ZNF250: variants seen among roughly 807,000 people sequenced by gnomAD.
ZNF250 encodes zinc finger protein 250.
In ZNF250, 13 loss-of-function variants were observed where a neutral mutation model predicts 37.1. That is an observed-to-expected ratio of 0.35 (90% CI 0.23 to 0.56). ZNF250 has a LOEUF of 0.56. Ranked by LOEUF, ZNF250 falls within the 20% of genes least tolerant of loss-of-function variation. The probability of loss-of-function intolerance (pLI) is 0.87; values close to 1 mark genes in which losing one functional copy is unlikely to be tolerated. For synonymous variants in ZNF250, 251 were observed against 265.6 expected (o/e 0.94, Z 0.54); for missense variants, 474 against 697.9 (o/e 0.68, Z 3.61).
intron 1 of ZNF250, among the ~76,000 whole-genome samples, chr8:144,893,514 A>C (rs1832500255): frequency 6.6e-6 from 1 of 152,040 alleles, no homozygotes; most frequent in African/African-American, 2.4e-5. Flanking sequence ...TACTTTTTGT[A>C]GGTACGGGGT....
In ZNF250 at chr8:144,897,076, A is replaced by G. The variant is rs567976877; in HGVS notation, c.-55+4323T>C. 2.0e-4 allele frequency among the ~76,000 whole-genome samples: 31 copies of G among 152,332 alleles called. No individual in the cohort carries two copies. The highest frequency in any genetic ancestry group is 6.5e-4 in the Admixed American group (10 of 15,292). Reference sequence around the variant, plus strand: ...AGCCACATCGCAGTGAGACATTCCTATCACTCTTTTTGGAATTCCTGACTG... The same window carrying G: ...AGCCACATCGCAGTGAGACATTCCTGTCACTCTTTTTGGAATTCCTGACTG... On this transcript the variant is annotated intron_variant, in intron 1 of 5. Transcript: ENST00000417550. This position sits in a 1 kb window ranked among gnomAD's most constrained non-coding sequence, Gnocchi z 5.2.
At position 144,877,269 on chromosome 8, in the gene ZNF250, G is replaced by C. The variant is rs1831188710; in HGVS notation, c.*4246C>G. The C allele has an allele frequency of 6.6e-6, 1 of 151,988 alleles. No individual in the cohort carries two copies. Among genetic ancestry groups the C allele is most frequent in the South Asian group, 2.1e-4 (1 of 4,830 alleles). 9.4% of individuals were successfully genotyped at this position (151,988 alleles called of 1,614,324 possible). On this transcript the variant is annotated 3_prime_UTR_variant, in exon 6 of 6. Coordinates refer to ENST00000417550, the MANE Select transcript of ZNF250 (RefSeq NM_001109689.4). Reference sequence around the variant, plus strand: ...ACCCAGCTAATTTTTTTTTTGTAGAGACGGGTTTTCGCCATGCTGGTCTCA... The same window carrying C: ...ACCCAGCTAATTTTTTTTTTGTAGACACGGGTTTTCGCCATGCTGGTCTCA...
At chr8:144,898,813 T>C (rs1327764547) in intron 1 of ZNF250, among the ~76,000 whole-genome samples, 2 of 152,148 alleles carry the variant, frequency 1.3e-5, no homozygotes, top group African/African-American at 4.8e-5. Context: ...ACAATATGTA[T>C]GGCCAACAAG....
chr8:144,898,344 A>G (rs1465518874), intron 1 of ZNF250, among the ~76,000 whole-genome samples: 3 of 152,104 alleles, frequency 2.0e-5, no homozygotes, highest in African/African-American at 7.2e-5. Flanking sequence ...AACAAAACAA[A>G]ACAAAACAAA....
intron 1 of ZNF250, among the ~76,000 whole-genome samples, chr8:144,898,351 C>CA (rs1832864073): frequency 6.7e-6 from 1 of 149,988 alleles, no homozygotes; most frequent in South Asian, 2.1e-4. Flanking sequence ...CAAAACAAAA[C>CA]AAAAAAACAA....
chr8:144,888,591 GTCT>G (rs1442401821), intron 4 of ZNF250, among the ~76,000 whole-genome samples: 1,524 of 100,958 alleles, frequency 0.015, 17 homozygotes, highest in Non-Finnish European at 0.02. Flanking sequence ...GAGCAAGACT[GTCT>G]CAAAAAAAAA....
chr8:144,898,588 TG>T (rs1240497031), intron 1 of ZNF250, among the ~76,000 whole-genome samples: 1 of 151,828 alleles, frequency 6.6e-6, no homozygotes, highest in African/African-American at 2.4e-5. Context: ...ACTAGACAAA[TG>T]GAATTACATC....
intron 5 of ZNF250, among the ~76,000 whole-genome samples, chr8:144,885,829 G>A (rs539842999): frequency 3.3e-5 from 5 of 152,200 alleles, no homozygotes; most frequent in South Asian, 2.1e-4. Context: ...AGTTTCACCC[G>A]GTGTGGTGGC....
chr8:144,892,847 C>G (rs1227327559), intron 1 of ZNF250, among the ~76,000 whole-genome samples: 2 of 142,578 alleles, frequency 1.4e-5, no homozygotes, highest in South Asian at 4.7e-4. Flanking sequence ...CGTGAGCCAC[C>G]GTGTCCAGCC....
intron 4 of ZNF250, among the ~76,000 whole-genome samples, chr8:144,888,903 G>A (rs1832106791): frequency 6.6e-6 from 1 of 152,032 alleles, no homozygotes; most frequent in African/African-American, 2.4e-5. Flanking sequence ...CGAGTAGCTG[G>A]GACTACAGGT....
rs376392631 is a variant in ZNF250, at chr8:144,890,381, G to T, written c.-32C>A. 7.5e-6 allele frequency: 11 copies of T among 1,464,494 alleles called. No individual in the cohort carries two copies. In the African/African-American group the frequency reaches 9.9e-5, roughly 13 times the overall value. The allele number at this position is 1,464,494 out of a possible 1,614,324, so 90.7% of individuals were successfully genotyped here. On this transcript the variant is annotated 5_prime_UTR_variant, in exon 2 of 6. Coordinates refer to ENST00000417550, the MANE Select transcript of ZNF250 (RefSeq NM_001109689.4). The surrounding 1 kb of genome is among the most constrained non-coding windows in gnomAD (Gnocchi z 5.1). The stretch of plus-strand genomic sequence containing the variant: ...GTCTCCTGGGGACTCCGAGGATCAC[G>T]GAAATTGAAGGAGCCTATGGGGCTG...
intron 5 of ZNF250, among the ~76,000 whole-genome samples, chr8:144,883,667 T>A (rs1422998671): frequency 6.6e-6 from 1 of 151,636 alleles, no homozygotes; most frequent in Non-Finnish European, 1.5e-5. Context: ...ATGTGGAGAA[T>A]GCAGTGGCAG....
intron 5 of ZNF250, 43 bp downstream of exon 5, chr8:144,886,797 T>G: frequency 6.3e-7 from 1 of 1,577,490 alleles, no homozygotes; most frequent in South Asian, 1.1e-5. Context: ...TGTTAACACC[T>G]TCAGAGATTG....
chr8:144,896,579 A>G (rs1352216019), intron 1 of ZNF250, among the ~76,000 whole-genome samples: 2 of 152,052 alleles, frequency 1.3e-5, no homozygotes, highest in Non-Finnish European at 2.9e-5. Flanking sequence ...GGTGCCAGAA[A>G]CTGGCTTTTA....
chr8:144,897,789 C>T lies in ZNF250; in HGVS notation c.-55+3610G>A, dbSNP rs529634157. Among the ~76,000 whole-genome samples the T allele has an allele frequency of 1.3e-5, 2 of 152,222 alleles. No homozygotes were observed. Among genetic ancestry groups the T allele is most frequent in the East Asian group, 1.9e-4 (1 of 5,176 alleles). On this transcript the variant is annotated intron_variant, in intron 1 of 5. Transcript: ENST00000417550. This position sits in a 1 kb window ranked among gnomAD's most constrained non-coding sequence, Gnocchi z 5.2. ...AACTAAAAGTATCCCTTATGGGAAA[C>T]GAAGGGATGGGCCGAATTAAAGGAA...
At position 144,890,406 on chromosome 8, in the gene ZNF250, G is replaced by A; in HGVS notation, c.-54-3C>T. 3 of 1,420,774 alleles carry A rather than the reference G, an allele frequency of 2.1e-6. No individual in the cohort carries two copies. The highest frequency in any genetic ancestry group is 2.8e-6 in the Non-Finnish European group (3 of 1,081,398). The allele number at this position is 1,420,774 out of a possible 1,614,324, so 88.0% of individuals were successfully genotyped here. A position where few individuals can be genotyped will look rare whatever the true frequency, so the allele number is the denominator to read the frequency against. ...GGAAATTGAAGGAGCCTATGGGGCT[G>A]AGGAAGAGGAGGGGGCAAGTGAGGG... On this transcript the variant is annotated splice_polypyrimidine_tract_variant and splice_region_variant and intron_variant, in intron 1 of 5. Coordinates refer to ENST00000417550, the MANE Select transcript of ZNF250 (RefSeq NM_001109689.4). This position sits in a 1 kb window ranked among gnomAD's most constrained non-coding sequence, Gnocchi z 5.1.
rs1831302869 is a variant in ZNF250 at position 144,879,244 on chromosome 8, GT to G, written c.*2270del. ...GTTCCTCTGGAATTTCACTTCAGTG[GT>G]TTCAGTTGCTCTGAAGTAAAACACC... On this transcript the variant is annotated 3_prime_UTR_variant, in exon 6 of 6. Transcript: ENST00000417550. 1 of 152,224 alleles carries G rather than the reference GT, an allele frequency of 6.6e-6. No homozygotes were observed. Among genetic ancestry groups the G allele is most frequent in the Non-Finnish European group, 1.5e-5 (1 of 68,032 alleles). 9.4% of individuals were successfully genotyped at this position (152,224 alleles called of 1,614,324 possible). A position where few individuals can be genotyped will look rare whatever the true frequency, so the allele number is the denominator to read the frequency against.
intron 5 of ZNF250, 65 bp downstream of exon 5, chr8:144,886,775 G>C: frequency 6.8e-7 from 1 of 1,479,768 alleles, no homozygotes; most frequent in Non-Finnish European, 9.4e-7. Context: ...CTACATTCTT[G>C]TAAAACATTA....
chr8:144,887,660 T>C (rs935896135), intron 4 of ZNF250, among the ~76,000 whole-genome samples: 2 of 152,086 alleles, frequency 1.3e-5, no homozygotes. Context: ...ATCAGGCGAG[T>C]ACATAGCTGG....
Sources: gnomAD v4.1 joint callset for allele counts (sites outside exome capture counted in the v4.1 genomes callset) on GRCh38, gnomAD v4.1.1 for gene constraint, Gnocchi (gnomAD v3.1) non-coding constraint, MANE v1.5 for transcripts, NCBI Gene and HGNC (gene_info 2026-07-23, HGNC 2026-07-21) for gene names.